Variants in SPATA6 observed in about 807,000 individuals in gnomAD.
SPATA6 encodes the protein spermatogenesis-associated protein 6.
In SPATA6, 56 loss-of-function variants were observed where a neutral mutation model predicts 65.3. The ratio of observed to expected loss-of-function variants is 0.86; its 90% CI spans 0.69 to 1.07. SPATA6 has a LOEUF of 1.07. SPATA6 is among the 50% of genes least tolerant of loss of function. The probability of loss-of-function intolerance (pLI) is 0.00; values close to 1 mark genes in which losing one functional copy is unlikely to be tolerated. For missense variants in SPATA6, 590 were observed against 594.8 expected (o/e 0.99, Z 0.08); for synonymous variants, 199 against 213.2 (o/e 0.93, Z 0.58).
At chr1:48,267,941 CG>C in the SPATA6 span, among the ~76,000 whole-genome samples, 1 of 151,528 alleles carries the variant, frequency 6.6e-6, no homozygotes, top group Non-Finnish European at 1.5e-5. Flanking sequence ...TTAGTAGAGA[CG>C]GGGTTTCACC....
chr1:48,378,775 G>T (rs905892979), intron 9 of SPATA6, among the ~76,000 whole-genome samples: 1 of 152,138 alleles, frequency 6.6e-6, no homozygotes, highest in Admixed American at 6.5e-5. Flanking sequence ...TTTGGCTGGG[G>T]ACACAGCCAA....
chr1:48,274,189 G>T, the SPATA6 span, among the ~76,000 whole-genome samples: 11 of 151,988 alleles, frequency 7.2e-5, no homozygotes, highest in Non-Finnish European at 1.2e-4. Context: ...TTTTGATGGG[G>T]TTTTGTTTTT....
chr1:48,452,538 C>G (rs1218262606), intron 2 of SPATA6, among the ~76,000 whole-genome samples: 2 of 151,994 alleles, frequency 1.3e-5, no homozygotes, highest in Non-Finnish European at 2.9e-5. Context: ...CAGGTGCCAC[C>G]ACAGCTGGCT....
chr1:48,313,741 C>T (rs865959503), intron 11 of SPATA6, among the ~76,000 whole-genome samples: 4 of 152,116 alleles, frequency 2.6e-5, no homozygotes, highest in Non-Finnish European at 5.9e-5. Flanking sequence ...TTAAAAGACA[C>T]AGACTGGCAA....
intron 5 of SPATA6, among the ~76,000 whole-genome samples, chr1:48,406,750 G>C (rs999699377): frequency 1.2e-4 from 18 of 152,276 alleles, no homozygotes; most frequent in Admixed American, 3.3e-4. Flanking sequence ...TTACTTGCCA[G>C]ACACTGCTAT....
At chr1:48,416,987 C>T (rs1010068546) in intron 3 of SPATA6, among the ~76,000 whole-genome samples, 1 of 152,106 alleles carries the variant, frequency 6.6e-6, no homozygotes, top group Non-Finnish European at 1.5e-5. Context: ...CTATAGCAAA[C>T]ATCATACCAA....
intron 7 of SPATA6, among the ~76,000 whole-genome samples, chr1:48,397,341 T>C (rs72893302): frequency 0.015 from 2,261 of 151,794 alleles, 56 homozygotes; most frequent in African/African-American, 0.052. Context: ...TTCGAAATGG[T>C]AAACTTACGT....
chr1:48,321,690 C>T (rs751514050), intron 11 of SPATA6, among the ~76,000 whole-genome samples: 5 of 152,102 alleles, frequency 3.3e-5, no homozygotes, highest in African/African-American at 4.8e-5. Context: ...ATTTACAGAA[C>T]AGTTCATCTA....
intron 3 of SPATA6, among the ~76,000 whole-genome samples, chr1:48,440,671 CT>C (rs1655372763): frequency 6.6e-6 from 1 of 152,168 alleles, no homozygotes; most frequent in African/African-American, 2.4e-5. Context: ...GAAGAAAATC[CT>C]TCTGCCTTCC....
the SPATA6 span, among the ~76,000 whole-genome samples, chr1:48,274,925 T>G: frequency 6.6e-6 from 1 of 152,234 alleles, no homozygotes; most frequent in Non-Finnish European, 1.5e-5. Context: ...TAAATTACTT[T>G]GGGCAGTATA....
intron 11 of SPATA6, among the ~76,000 whole-genome samples, chr1:48,355,011 C>T (rs966334780): frequency 6.6e-6 from 1 of 151,784 alleles, no homozygotes; most frequent in Non-Finnish European, 1.5e-5. Flanking sequence ...ACCCCTTATA[C>T]CCCCCCAAGA....
At chr1:48,341,676 G>T (rs1404735842) in intron 11 of SPATA6, among the ~76,000 whole-genome samples, 1 of 152,116 alleles carries the variant, frequency 6.6e-6, no homozygotes. Flanking sequence ...TTCTGAGAGT[G>T]CTATAATCTA....
intron 11 of SPATA6, among the ~76,000 whole-genome samples, chr1:48,318,801 A>T (rs775935205): frequency 2.0e-5 from 3 of 152,150 alleles, no homozygotes; most frequent in Non-Finnish European, 4.4e-5. Context: ...AATGCAAAGG[A>T]CCTAGAATAG....
chr1:48,337,872 T>C lies in SPATA6; in HGVS notation c.1194+17798A>G, dbSNP rs561542249. ...GACACAATTTCATGAACTGGAAGACTGAATATTGTTAAGATGTCAGTTCTC... is the reference window on the plus strand; with the variant it reads ...GACACAATTTCATGAACTGGAAGACCGAATATTGTTAAGATGTCAGTTCTC... On this transcript the variant is annotated intron_variant, in intron 11 of 12. Transcript: ENST00000371847. Among the ~76,000 whole-genome samples, 6 of 152,076 alleles carry C rather than the reference T, an allele frequency of 3.9e-5. No homozygotes were observed. The South Asian group carries it at 1.2e-3, about 32-fold the overall frequency.
intron 11 of SPATA6, chr1:48,325,795 C>T (rs543868381): frequency 3.6e-4 from 159 of 443,954 alleles, no homozygotes; most frequent in South Asian, 8.9e-4. Context: ...TGGAATCAGT[C>T]GGAATTTGCT....
chr1:48,353,825 C>A (rs1351222237), intron 11 of SPATA6, among the ~76,000 whole-genome samples: 1 of 151,694 alleles, frequency 6.6e-6, no homozygotes, highest in African/African-American at 2.4e-5. Flanking sequence ...CTTTAGAAGA[C>A]ATAGGAGAAA....
intron 9 of SPATA6, among the ~76,000 whole-genome samples, chr1:48,368,025 T>C (rs1195147097): frequency 2.6e-5 from 4 of 152,208 alleles, no homozygotes; most frequent in African/African-American, 9.7e-5. Context: ...TGCTTGTCTG[T>C]ATAGTATTTT....
rs565710649 is a variant in SPATA6, at chr1:48,360,485, G to A, written c.910-715C>T. Among the ~76,000 whole-genome samples the A allele has an allele frequency of 8.1e-4, 123 of 152,192 alleles. 1 individual carries two copies. The highest frequency in any genetic ancestry group is 2.8e-3 in the African/African-American group (118 of 41,504). ...GTAAAGACCGTAAGACCTAAGTCAC[G>A]AAGATTATCTGTGGAAAGACTATGC... On this transcript the variant is annotated intron_variant, in intron 9 of 12. Coordinates refer to ENST00000371847, the MANE Select transcript of SPATA6 (RefSeq NM_019073.4).
At chr1:48,435,451 G>A (rs1250559231) in intron 3 of SPATA6, among the ~76,000 whole-genome samples, 1 of 151,860 alleles carries the variant, frequency 6.6e-6, no homozygotes, top group Non-Finnish European at 1.5e-5. Flanking sequence ...AGCACTCTGT[G>A]TCTAGCTAAA....
Sources: gnomAD v4.1 joint callset for allele counts (sites outside exome capture counted in the v4.1 genomes callset) on GRCh38, gnomAD v4.1.1 for gene constraint, MANE v1.5 for transcripts, NCBI Gene and HGNC (gene_info 2026-07-23, HGNC 2026-07-21) for gene names.